Variants in HS2ST1 observed in about 807,000 individuals in gnomAD.
HS2ST1 encodes the protein 2-O-sulfotransferase.
A neutral mutation model predicts 42.9 loss-of-function variants in HS2ST1; 18 were observed. The observed-to-expected ratio is 0.42, with a 90% confidence interval of 0.29 to 0.62. The LOEUF (loss-of-function observed/expected upper bound fraction) is 0.62. Ranked by LOEUF, HS2ST1 falls within the 20% of genes least tolerant of loss-of-function variation. The pLI, the probability that HS2ST1 is intolerant of heterozygous loss-of-function variation, is 0.21. For synonymous variants in HS2ST1, 146 were observed against 152.9 expected, an observed-to-expected ratio of 0.95 and a Z score of 0.33; for missense variants, 334 against 433.8, an observed-to-expected ratio of 0.77 and a Z score of 2.04.
chr1:87,063,325 A>G (rs781169328), intron 1 of HS2ST1, among the ~76,000 whole-genome samples: 58 of 151,894 alleles, frequency 3.8e-4, no homozygotes, highest in Non-Finnish European at 6.9e-4. Flanking sequence ...TTTTTATTTT[A>G]GTTCGTGTAT....
intron 1 of HS2ST1, among the ~76,000 whole-genome samples, chr1:87,005,311 T>C (rs1649405606): frequency 6.6e-6 from 1 of 152,202 alleles, no homozygotes; most frequent in South Asian, 2.1e-4. Flanking sequence ...CCTCCAATTT[T>C]CCTAAATTTT....
intron 1 of HS2ST1, among the ~76,000 whole-genome samples, chr1:87,016,371 A>T (rs555102699): frequency 6.6e-6 from 1 of 152,270 alleles, no homozygotes; most frequent in South Asian, 2.1e-4. Context: ...TTTGGAGAAG[A>T]TAGTCTAATG....
At chr1:87,067,410 G>C (rs1023775388) in intron 1 of HS2ST1, among the ~76,000 whole-genome samples, 16 of 152,222 alleles carry the variant, frequency 1.1e-4, no homozygotes, top group African/African-American at 3.6e-4. Flanking sequence ...CCCACTTTTT[G>C]ATGGGGTTGT....
At chr1:87,032,237 T>C (rs1362579814) in intron 1 of HS2ST1, among the ~76,000 whole-genome samples, 1 of 152,176 alleles carries the variant, frequency 6.6e-6, no homozygotes, top group Non-Finnish European at 1.5e-5. Context: ...TTTTGACTAT[T>C]ATAGAAAAAC....
intron 6 of HS2ST1, among the ~76,000 whole-genome samples, chr1:87,104,189 AGT>A (rs1325929500): frequency 6.6e-6 from 1 of 152,162 alleles, no homozygotes; most frequent in African/African-American, 2.4e-5. Context: ...TTGAGAATAT[AGT>A]GTGTGAGGTG....
intron 1 of HS2ST1, among the ~76,000 whole-genome samples, chr1:86,985,389 C>T (rs1382472152): frequency 2.8e-4 from 8 of 28,570 alleles, no homozygotes; most frequent in Admixed American, 6.3e-4. Flanking sequence ...TATATACACA[C>T]ACACACACAC....
intron 1 of HS2ST1, chr1:87,045,863 C>T: frequency 9.8e-6 from 7 of 711,226 alleles, no homozygotes; most frequent in South Asian, 1.4e-5. Flanking sequence ...AATGAACTCT[C>T]AGAGTCTCAG....
chr1:87,009,452 A>G (rs1192854929), intron 1 of HS2ST1, among the ~76,000 whole-genome samples: 1 of 152,220 alleles, frequency 6.6e-6, no homozygotes, highest in African/African-American at 2.4e-5. Flanking sequence ...TAACAAACAC[A>G]GAAATGGACT....
intron 1 of HS2ST1, among the ~76,000 whole-genome samples, chr1:87,056,086 CT>C (rs2100618247): frequency 6.6e-6 from 1 of 152,100 alleles, no homozygotes; most frequent in South Asian, 2.1e-4. Flanking sequence ...GTGGTGGGAC[CT>C]TTAAGAGGCA....
intron 4 of HS2ST1, among the ~76,000 whole-genome samples, chr1:87,093,871 T>C (rs1021816736): frequency 6.6e-6 from 1 of 151,978 alleles, no homozygotes; most frequent in African/African-American, 2.4e-5. Flanking sequence ...GTTTTCCTTT[T>C]TAATGATTTC....
chr1:86,935,455 C>CTTTT (rs552713297), intron 1 of HS2ST1, among the ~76,000 whole-genome samples: 71 of 62,062 alleles, frequency 1.1e-3, no homozygotes, highest in African/African-American at 1.5e-3. Context: ...TCTTTTTCTC[C>CTTTT]TTTTTTTTTT....
chr1:87,039,932 G>T (rs980333146), intron 1 of HS2ST1, among the ~76,000 whole-genome samples: 1 of 152,072 alleles, frequency 6.6e-6, no homozygotes, highest in African/African-American at 2.4e-5. Flanking sequence ...TGTCTAATTT[G>T]TGTAGTCTAA....
At chr1:86,974,094 T>C (rs1390155475) in intron 1 of HS2ST1, among the ~76,000 whole-genome samples, 2 of 152,108 alleles carry the variant, frequency 1.3e-5, no homozygotes, top group Admixed American at 6.5e-5. Context: ...AACTCCTAAA[T>C]CCCTTTAAAT....
intron 1 of HS2ST1, among the ~76,000 whole-genome samples, chr1:86,981,804 C>T (rs745514296): frequency 2.6e-5 from 4 of 152,222 alleles, no homozygotes; most frequent in Non-Finnish European, 4.4e-5. Context: ...ATTGGTGGAC[C>T]TACCTTTCTG....
intron 1 of HS2ST1, among the ~76,000 whole-genome samples, chr1:87,048,739 T>A (rs1650759681): frequency 6.6e-6 from 1 of 152,182 alleles, no homozygotes; most frequent in South Asian, 2.1e-4. Flanking sequence ...TGTATTAAGA[T>A]GAATACGTGG....
intron 1 of HS2ST1, among the ~76,000 whole-genome samples, chr1:86,982,145 G>A (rs1648613899): frequency 6.6e-6 from 1 of 152,228 alleles, no homozygotes; most frequent in Non-Finnish European, 1.5e-5. Context: ...GCCACAGCTG[G>A]AGCTGGAGCA....
intron 4 of HS2ST1, among the ~76,000 whole-genome samples, chr1:87,093,413 C>G (rs554537952): frequency 6.6e-6 from 1 of 152,184 alleles, no homozygotes; most frequent in South Asian, 2.1e-4. Flanking sequence ...GAATGCCTTT[C>G]CTTTACTCTG....
intron 4 of HS2ST1, among the ~76,000 whole-genome samples, chr1:87,094,718 C>A (rs1177685503): frequency 6.6e-6 from 1 of 152,154 alleles, no homozygotes; most frequent in African/African-American, 2.4e-5. Flanking sequence ...TTAACATCAT[C>A]TCCCTTTCAT....
chr1:87,060,080 C>T (rs1420490161), intron 1 of HS2ST1, among the ~76,000 whole-genome samples: 1 of 151,942 alleles, frequency 6.6e-6, no homozygotes, highest in Non-Finnish European at 1.5e-5. Context: ...GGAATGATAT[C>T]AAGAATTATG....
Sources: allele counts gnomAD v4.1 joint callset (sites outside exome capture counted in the v4.1 genomes callset), GRCh38; gene constraint gnomAD v4.1.1; transcripts MANE v1.5; gene names NCBI Gene and HGNC (gene_info 2026-07-23, HGNC 2026-07-21).